The following BANF2 variants were observed in gnomAD, a reference collection of about 807,000 sequenced individuals.
BANF2 encodes the protein BANF family member 2.
In BANF2, 4 loss-of-function variants were observed where a neutral mutation model predicts 8.0. The ratio of observed to expected loss-of-function variants is 0.50; its 90% CI spans 0.25 to 1.14. BANF2 has a LOEUF of 1.14. BANF2 is among the 50% of genes most tolerant of loss of function. The probability of loss-of-function intolerance (pLI) is 0.16; values close to 1 mark genes in which losing one functional copy is unlikely to be tolerated. For synonymous variants in BANF2, 50 were observed against 40.6 expected, an observed-to-expected ratio of 1.23 and a Z score of -0.88; for missense variants, 96 against 107.5, an observed-to-expected ratio of 0.89 and a Z score of 0.47.
At chr20:17,732,021 G>A (rs1160342280) in intron 3 of BANF2, among the ~76,000 whole-genome samples, 4 of 151,470 alleles carry the variant, frequency 2.6e-5, no homozygotes, top group Admixed American at 2.0e-4. Flanking sequence ...AGCCAAGACC[G>A]TGCCACTGCA....
intron 1 of BANF2, among the ~76,000 whole-genome samples, chr20:17,702,977 G>A (rs975756197): frequency 6.6e-6 from 1 of 152,160 alleles, no homozygotes; most frequent in Non-Finnish European, 1.5e-5. Context: ...AGACGCTGCT[G>A]CTCTGGGCCC....
chr20:17,695,895 A>G (rs560678380), upstream of BANF2, among the ~76,000 whole-genome samples: 10 of 152,308 alleles, frequency 6.6e-5, no homozygotes, highest in African/African-American at 2.2e-4. Context: ...AGTTTTGTCT[A>G]TTCCAGGACT....
intron 2 of BANF2, 121 bp downstream of exon 2, chr20:17,722,999 T>C (rs900103055): frequency 8.7e-6 from 6 of 686,852 alleles, no homozygotes; most frequent in South Asian, 6.5e-5. Flanking sequence ...TGGTGTTGGA[T>C]TGGGGAGCAA....
intron 1 of BANF2, among the ~76,000 whole-genome samples, chr20:17,721,335 C>T (rs2037724317): frequency 6.6e-6 from 1 of 152,016 alleles, no homozygotes; most frequent in South Asian, 2.1e-4. Context: ...TTAAGGACAC[C>T]CAAGAAGAAA....
intron 1 of BANF2, among the ~76,000 whole-genome samples, chr20:17,706,802 C>T (rs2122580059): frequency 6.6e-6 from 1 of 152,330 alleles, no homozygotes; most frequent in Non-Finnish European, 1.5e-5. Context: ...GTGCAAAGGT[C>T]TTTCTCGTCT....
chr20:17,720,997 T>A (rs1252955622), intron 1 of BANF2, among the ~76,000 whole-genome samples: 1 of 152,100 alleles, frequency 6.6e-6, no homozygotes, highest in East Asian at 1.9e-4. Flanking sequence ...CCCCAGGTGG[T>A]TCGTGCACTC....
chr20:17,705,695 C>T (rs1489189311), intron 1 of BANF2, among the ~76,000 whole-genome samples: 2 of 152,210 alleles, frequency 1.3e-5, no homozygotes, highest in East Asian at 3.8e-4. Context: ...TAACTCTATT[C>T]CTCCCCATTT....
chr20:17,709,543 G>T (rs2037537992), intron 1 of BANF2, among the ~76,000 whole-genome samples: 2 of 152,154 alleles, frequency 1.3e-5, no homozygotes, highest in South Asian at 4.1e-4. Flanking sequence ...TACACAAGAT[G>T]CCCCTTTGTT....
chr20:17,713,972 G>A (rs935058129), intron 1 of BANF2, among the ~76,000 whole-genome samples: 7 of 152,028 alleles, frequency 4.6e-5, no homozygotes, highest in Admixed American at 3.3e-4. Flanking sequence ...TTGGGAGGTC[G>A]AGGCAGGCAG....
chr20:17,700,140 A>C, intron 1 of BANF2, 85 bp downstream of exon 1: 21 of 510,168 alleles, frequency 4.1e-5, no homozygotes, highest in South Asian at 1.7e-4. Flanking sequence ...TCTCATTCTC[A>C]CACAGGTTTA....
At chr20:17,697,308 G>C (rs952767864), upstream of BANF2, among the ~76,000 whole-genome samples, 1 of 152,142 alleles carries the variant, frequency 6.6e-6, no homozygotes, top group Non-Finnish European at 1.5e-5. Flanking sequence ...CAGTCCCCTG[G>C]GGGTAGCACA....
At chr20:17,732,951 A>C (rs1015120911) in intron 3 of BANF2, among the ~76,000 whole-genome samples, 1 of 152,128 alleles carries the variant, frequency 6.6e-6, no homozygotes, top group African/African-American at 2.4e-5. Flanking sequence ...GAGCAGGGTG[A>C]AGTGCTCAGG....
chr20:17,717,481 A>C (rs6075241), intron 1 of BANF2, among the ~76,000 whole-genome samples: 11,560 of 152,172 alleles, frequency 0.076, 556 homozygotes, highest in Middle Eastern at 0.16. Flanking sequence ...AGAAACAGAA[A>C]ATGAAGGCAC....
At chr20:17,699,433 G>A (rs779596654), upstream of BANF2, among the ~76,000 whole-genome samples, 44 of 152,218 alleles carry the variant, frequency 2.9e-4, no homozygotes, top group Admixed American at 1.7e-3. Context: ...AAGGTGGGAG[G>A]ATTTATATTT....
chr20:17,694,823 G>C lies in BANF2; in HGVS notation c.18+1117G>C, dbSNP rs927454875. ...TTTCTGTAGAGACAGGGTCTCACTT[G>C]GTTGCCCAGGTTGGTCTTGAACTCC... On this transcript the variant is annotated intron_variant, in intron 1 of 2. Transcript: ENST00000545418. 8.6e-5 allele frequency among the ~76,000 whole-genome samples: 13 copies of C among 151,638 alleles called. No homozygotes were observed. The East Asian group carries it at 2.5e-3, about 30-fold the overall frequency.
upstream of BANF2, among the ~76,000 whole-genome samples, chr20:17,698,091 C>T (rs1568803772): frequency 6.6e-6 from 1 of 151,884 alleles, no homozygotes; most frequent in African/African-American, 2.4e-5. Context: ...CCTGTAAATC[C>T]CAGTTACTTT....
chr20:17,715,624 GC>G (rs780054207), intron 1 of BANF2, among the ~76,000 whole-genome samples: 59 of 152,350 alleles, frequency 3.9e-4, no homozygotes, highest in Non-Finnish European at 6.8e-4. Flanking sequence ...CATTCCTGAT[GC>G]CTAAGCCATG....
intron 1 of BANF2, among the ~76,000 whole-genome samples, chr20:17,715,883 G>A (rs2037644032): frequency 6.6e-6 from 1 of 152,240 alleles, no homozygotes. Flanking sequence ...GTCGCCGTCA[G>A]GCATGTCTAA....
At position 17,722,786 on chromosome 20, in the gene BANF2, A is replaced by T; in HGVS notation, c.-96A>T. 2 of 984,752 alleles carry T rather than the reference A, an allele frequency of 2.0e-6. No individual in the cohort carries two copies. Among genetic ancestry groups the T allele is most frequent in the Non-Finnish European group, 1.2e-6 (1 of 829,314 alleles). The allele number at this position is 984,752 out of a possible 1,614,324, so 61.0% of individuals were successfully genotyped here. ...TTCCAAAATCAGTGCCTTTGGATTC[A>T]TCTCTTCCGGGAGAGTTCAGTGTCT... On this transcript the variant is annotated 5_prime_UTR_variant, in exon 2 of 4. Coordinates refer to ENST00000246090, the MANE Select transcript of BANF2 (RefSeq NM_178477.5).
Sources: allele counts gnomAD v4.1 joint callset (sites outside exome capture counted in the v4.1 genomes callset), GRCh38; gene constraint gnomAD v4.1.1; transcripts MANE v1.5; gene names NCBI Gene and HGNC (gene_info 2026-07-23, HGNC 2026-07-21).